MTUS2: variants seen among roughly 807,000 people sequenced by gnomAD.
The protein encoded by MTUS2 is microtubule-associated tumor suppressor candidate 2.
In MTUS2, 40 loss-of-function variants were observed where a neutral mutation model predicts 114.1. That is an observed-to-expected ratio of 0.35 (90% CI 0.27 to 0.46). The LOEUF (loss-of-function observed/expected upper bound fraction) is 0.46. MTUS2 is among the 20% of genes least tolerant of loss of function. The probability of loss-of-function intolerance (pLI) is 1.00; values close to 1 mark genes in which losing one functional copy is unlikely to be tolerated. For synonymous variants in MTUS2, 688 were observed against 672.0 expected, an observed-to-expected ratio of 1.02 and a Z score of -0.37; for missense variants, 1,679 against 1,705.4, an observed-to-expected ratio of 0.98 and a Z score of 0.27.
chr13:29,089,920 T>G (rs1889861983), intron 4 of MTUS2, among the ~76,000 whole-genome samples: 1 of 152,202 alleles, frequency 6.6e-6, no homozygotes, highest in African/African-American at 2.4e-5. Context: ...ATATTTTGAT[T>G]CTATGTTGTT....
chr13:28,949,923 ATTTCT>A (rs1314580067), intron 2 of MTUS2, among the ~76,000 whole-genome samples: 20 of 152,198 alleles, frequency 1.3e-4, no homozygotes, highest in Non-Finnish European at 2.6e-4. Flanking sequence ...ATGTACAAAT[ATTTCT>A]TTAGGACTTT....
At chr13:29,245,580 A>G (rs1896890739) in intron 5 of MTUS2, among the ~76,000 whole-genome samples, 1 of 152,224 alleles carries the variant, frequency 6.6e-6, no homozygotes, top group South Asian at 2.1e-4. Flanking sequence ...ATACGTTGCC[A>G]TTCTTTGAAG....
intron 6 of MTUS2, among the ~76,000 whole-genome samples, chr13:29,296,985 C>T (rs957779671): frequency 1.3e-5 from 2 of 152,160 alleles, no homozygotes; most frequent in Middle Eastern, 3.4e-3. Context: ...CTTTTGTTGC[C>T]TGTGCTTTTG....
chr13:28,918,826 T>C (rs2138043867), intron 2 of MTUS2, among the ~76,000 whole-genome samples: 1 of 152,176 alleles, frequency 6.6e-6, no homozygotes, highest in Admixed American at 6.5e-5. Context: ...CTTTTTAATT[T>C]GTGTGTATAT....
chr13:29,054,277 T>C (rs953627711), intron 4 of MTUS2, among the ~76,000 whole-genome samples: 1 of 152,180 alleles, frequency 6.6e-6, no homozygotes, highest in Admixed American at 6.5e-5. Flanking sequence ...TTCCCAAGTA[T>C]TATTTAGCTG....
intron 9 of MTUS2, among the ~76,000 whole-genome samples, chr13:29,457,715 C>T (rs1879219351): frequency 6.6e-6 from 1 of 152,056 alleles, no homozygotes; most frequent in South Asian, 2.1e-4. Context: ...TTAGAGAAAA[C>T]ACCAAACAGT....
chr13:29,249,128 C>T (rs1649011396), intron 5 of MTUS2, among the ~76,000 whole-genome samples: 1 of 152,124 alleles, frequency 6.6e-6, no homozygotes, highest in African/African-American at 2.4e-5. Flanking sequence ...GCTGGGACTA[C>T]AGGCGTGCAC....
At chr13:29,267,989 A>T (rs1053041649) in intron 5 of MTUS2, among the ~76,000 whole-genome samples, 1 of 152,184 alleles carries the variant, frequency 6.6e-6, no homozygotes, top group South Asian at 2.1e-4. Context: ...AGGTAATCTG[A>T]AGGTAGACAT....
chr13:28,939,743 A>G (rs1187906518), intron 2 of MTUS2, among the ~76,000 whole-genome samples: 1 of 152,142 alleles, frequency 6.6e-6, no homozygotes, highest in Non-Finnish European at 1.5e-5. Context: ...AAACAAACAA[A>G]AAAAAAACTA....
Position 29,129,055 on chromosome 13 carries a change from T to C in MTUS2, c.2644+28085T>C, listed in dbSNP as rs528704763. Among the ~76,000 whole-genome samples the C allele has an allele frequency of 4.9e-4, 74 of 152,336 alleles. 1 individual carries two copies. In the Middle Eastern group the frequency reaches 0.014, roughly 28 times the overall value. ...GCCTTGTAGAACATTTCTTTAGATT[T>C]CTCTAAATGTGGTGGCAAGTGCATT... On this transcript the variant is annotated intron_variant, in intron 5 of 15. Coordinates refer to ENST00000612955, the MANE Select transcript of MTUS2 (RefSeq NM_001033602.4).
chr13:29,401,859 C>T (rs1874376378), intron 8 of MTUS2, among the ~76,000 whole-genome samples: 1 of 152,168 alleles, frequency 6.6e-6, no homozygotes, highest in African/African-American at 2.4e-5. Flanking sequence ...AGTGTGAAAA[C>T]AACCTGTCAA....
chr13:29,088,291 ATCT>A (rs3065939), intron 4 of MTUS2, among the ~76,000 whole-genome samples: 97,672 of 151,512 alleles, frequency 0.64, 32,520 homozygotes, highest in Non-Finnish European at 0.74. Flanking sequence ...GTTTAGAGTG[ATCT>A]TCTTGGTATT....
At chr13:29,208,308 G>C (rs1854212915) in intron 5 of MTUS2, among the ~76,000 whole-genome samples, 2 of 151,722 alleles carry the variant, frequency 1.3e-5, no homozygotes, top group Non-Finnish European at 2.9e-5. Context: ...GAGTTTATTT[G>C]GATCTTTTCT....
At chr13:29,141,115 A>G (rs966407139) in intron 5 of MTUS2, among the ~76,000 whole-genome samples, 3 of 152,238 alleles carry the variant, frequency 2.0e-5, no homozygotes, top group South Asian at 4.1e-4. Flanking sequence ...AATTACATTA[A>G]TACCAAACTT....
chr13:29,003,513 A>T lies in MTUS2; in HGVS notation c.-242-20944A>T, dbSNP rs574059197. ...TTCCTCTGGAACACTTCGTGTCCTAATTCAAGTCCTGGTCTGGGCCAGCTA... is the reference window on the plus strand; with the variant it reads ...TTCCTCTGGAACACTTCGTGTCCTATTTCAAGTCCTGGTCTGGGCCAGCTA... On this transcript the variant is annotated intron_variant, in intron 2 of 15. Transcript: ENST00000612955. Among the ~76,000 whole-genome samples the T allele has an allele frequency of 1.5e-4, 23 of 152,314 alleles. No homozygotes were observed. In the East Asian group the frequency reaches 3.7e-3, roughly 24 times the overall value.
chr13:29,472,666 G>A (rs1224814909), intron 9 of MTUS2, among the ~76,000 whole-genome samples: 1 of 152,214 alleles, frequency 6.6e-6, no homozygotes, highest in African/African-American at 2.4e-5. Context: ...ACCTAGGAAT[G>A]TATCCTAAAT....
At chr13:29,040,703 T>C (rs953717531) in intron 4 of MTUS2, among the ~76,000 whole-genome samples, 21 of 152,258 alleles carry the variant, frequency 1.4e-4, no homozygotes, top group African/African-American at 4.8e-4. Flanking sequence ...TGCATCTCCC[T>C]GATAATTAGT....
In MTUS2 at chr13:29,235,946, C is replaced by T. The variant is rs562717690; in HGVS notation, c.2645-45758C>T. 3.6e-4 allele frequency among the ~76,000 whole-genome samples: 55 copies of T among 152,188 alleles called. No individual in the cohort carries two copies. In the South Asian group the frequency reaches 8.3e-3, roughly 23 times the overall value. ...TATACAACATTTTTCTACAAAATTA[C>T]GCATTTCACTCAAGTTTTCTAATCT... On this transcript the variant is annotated intron_variant, in intron 5 of 15. Coordinates refer to ENST00000612955, the MANE Select transcript of MTUS2 (RefSeq NM_001033602.4).
At position 29,032,664 on chromosome 13, in the gene MTUS2, T is replaced by C. The variant is rs558479829; in HGVS notation, c.2206-1221T>C. Among the ~76,000 whole-genome samples, 20 of 152,352 alleles carry C rather than the reference T, an allele frequency of 1.3e-4. 1 individual carries two copies. Among genetic ancestry groups the C allele is most frequent in the African/African-American group, 4.8e-4 (20 of 41,578 alleles). On this transcript the variant is annotated intron_variant, in intron 3 of 15. Transcript: ENST00000612955. Reference sequence around the variant, plus strand: ...ATAAAACTTTAAAGGCCTAATCTTTTGTTTCTACAATGTCAATTTGAAGGA... The same window carrying C: ...ATAAAACTTTAAAGGCCTAATCTTTCGTTTCTACAATGTCAATTTGAAGGA...
Sources: gnomAD v4.1 joint callset for allele counts (sites outside exome capture counted in the v4.1 genomes callset) on GRCh38, gnomAD v4.1.1 for gene constraint, MANE v1.5 for transcripts, NCBI Gene and HGNC (gene_info 2026-07-23, HGNC 2026-07-21) for gene names.